Variants in PCNX2 observed in about 807,000 individuals in gnomAD.
PCNX2 encodes pecanex-like protein 2.
PCNX2 carries 168 observed loss-of-function variants against 223.8 expected under a neutral mutation model. The observed-to-expected ratio is 0.75, with a 90% confidence interval of 0.66 to 0.85. The LOEUF is 0.85. PCNX2 is among the 40% of genes least tolerant of loss of function. The pLI, the probability that PCNX2 is intolerant of heterozygous loss-of-function variation, is 0.00. For synonymous variants in PCNX2, 1,006 were observed against 1,052.6 expected, an observed-to-expected ratio of 0.96 and a Z score of 0.86; for missense variants, 2,507 against 2,675.5, an observed-to-expected ratio of 0.94 and a Z score of 1.39.
intron 12 of PCNX2, among the ~76,000 whole-genome samples, chr1:233,216,879 A>C (rs1422084264): frequency 6.6e-6 from 1 of 152,194 alleles, no homozygotes; most frequent in East Asian, 1.9e-4. Flanking sequence ...CATTCAGCCT[A>C]AAAAAAGAAG....
At position 233,208,501 on chromosome 1, in the gene PCNX2, C is replaced by T; in HGVS notation, c.2863+17G>A. The T allele has an allele frequency of 6.2e-7, 1 of 1,602,620 alleles. No individual in the cohort carries two copies. The highest frequency in any genetic ancestry group is 2.2e-5 in the East Asian group (1 of 44,682). On this transcript the variant is annotated intron_variant, in intron 13 of 33. Coordinates refer to ENST00000258229, the MANE Select transcript of PCNX2 (RefSeq NM_014801.4). Reference sequence around the variant, plus strand: ...CCAACCCCCATATTCTTCCCCACAACCCCATAATTAACTCACCTATTAAGT... The same window carrying T: ...CCAACCCCCATATTCTTCCCCACAATCCCATAATTAACTCACCTATTAAGT...
At chr1:233,154,115 G>A (rs2102807721) in intron 19 of PCNX2, among the ~76,000 whole-genome samples, 1 of 152,276 alleles carries the variant, frequency 6.6e-6, no homozygotes, top group East Asian at 1.9e-4. Context: ...ATCTTGCTCT[G>A]TCACCCAGGC....
chr1:233,218,208 GCAAA>G, intron 10 of PCNX2, 24 bp from the exon 11 acceptor site: 2 of 150,492 alleles, frequency 1.3e-5, no homozygotes, highest in Non-Finnish European at 9.3e-6. Context: ...ATACATAAAA[GCAAA>G]AAAAAAAAAA....
intron 28 of PCNX2, among the ~76,000 whole-genome samples, chr1:233,007,498 G>T (rs1336867048): frequency 2.6e-5 from 4 of 152,066 alleles, no homozygotes. Flanking sequence ...AGCAAACATG[G>T]AGTTGCTTTT....
At chr1:233,116,908 A>T (rs919824159) in intron 21 of PCNX2, among the ~76,000 whole-genome samples, 9 of 152,168 alleles carry the variant, frequency 5.9e-5, no homozygotes, top group African/African-American at 2.2e-4. Flanking sequence ...AAGACTGACA[A>T]AGAAAAACAC....
At chr1:233,285,271 G>A (rs2103023531) in intron 1 of PCNX2, among the ~76,000 whole-genome samples, 1 of 152,028 alleles carries the variant, frequency 6.6e-6, no homozygotes, top group Non-Finnish European at 1.5e-5. Flanking sequence ...AGGATCATAT[G>A]AGCCCAAGTG....
chr1:233,213,657 G>A (rs1408080874), intron 12 of PCNX2, among the ~76,000 whole-genome samples: 2 of 152,020 alleles, frequency 1.3e-5, no homozygotes, highest in African/African-American at 4.8e-5. Flanking sequence ...ACAGTTAATT[G>A]AATAGAATGC....
intron 26 of PCNX2, among the ~76,000 whole-genome samples, chr1:233,022,695 CTTTTTTTTTT>C (rs372153367): frequency 1.6e-5 from 2 of 128,678 alleles, no homozygotes; most frequent in Non-Finnish European, 3.2e-5. Context: ...CTTTTTCTTT[CTTTTTTTTTT>C]TTTTTTTTTT....
At chr1:233,150,484 A>C (rs1677732587) in intron 19 of PCNX2, among the ~76,000 whole-genome samples, 1 of 152,192 alleles carries the variant, frequency 6.6e-6, no homozygotes, top group South Asian at 2.1e-4. Context: ...AGAATATTAA[A>C]GTTTATGTTT....
intron 19 of PCNX2, among the ~76,000 whole-genome samples, chr1:233,154,743 T>G (rs1371056532): frequency 6.6e-6 from 1 of 152,174 alleles, no homozygotes; most frequent in Non-Finnish European, 1.5e-5. Context: ...ATATTAGCCT[T>G]TTACTTCTTT....
chr1:233,141,521 C>G (rs1272529058), intron 19 of PCNX2, among the ~76,000 whole-genome samples: 1 of 152,052 alleles, frequency 6.6e-6, no homozygotes, highest in South Asian at 2.1e-4. Flanking sequence ...CAAAAGTTAG[C>G]TGGGCATGGT....
chr1:233,133,263 C>T (rs1676610177), intron 21 of PCNX2, among the ~76,000 whole-genome samples: 1 of 152,018 alleles, frequency 6.6e-6, no homozygotes, highest in Non-Finnish European at 1.5e-5. Context: ...AGTAACTTCA[C>T]AAATAGTTTA....
intron 25 of PCNX2, among the ~76,000 whole-genome samples, chr1:233,026,573 T>C (rs1024588941): frequency 6.6e-6 from 1 of 152,222 alleles, no homozygotes; most frequent in Non-Finnish European, 1.5e-5. Context: ...AAGAGAATGA[T>C]GACTTGGTCC....
chr1:233,032,040 A>C, intron 25 of PCNX2: 1 of 982,118 alleles, frequency 1.0e-6, no homozygotes, highest in Non-Finnish European at 1.2e-6. Flanking sequence ...GTACATTAAT[A>C]ATATAATTTA....
chr1:233,065,668 A>C (rs1459537668), intron 23 of PCNX2: 1 of 151,906 alleles, frequency 6.6e-6, no homozygotes, highest in Admixed American at 6.6e-5. Context: ...ACACCTACAG[A>C]AGCAAAAGAA....
At chr1:233,018,964 T>C (rs185588420) in intron 26 of PCNX2, 2 of 985,384 alleles carry the variant, frequency 2.0e-6, no homozygotes, top group Admixed American at 6.1e-5. Context: ...GTAAGTGGAG[T>C]GGGCTGAGAA....
chr1:233,249,133 A>C lies in PCNX2; in HGVS notation c.2222+1606T>G, dbSNP rs997115893. 7.9e-5 allele frequency among the ~76,000 whole-genome samples: 12 copies of C among 152,176 alleles called. No individual in the cohort carries two copies. The South Asian group carries it at 2.5e-3, about 32-fold the overall frequency. ...GGTCCTCTCTCTCATTTTTACTTGG[A>C]TACTATAAATTTTCAGTTCTTTAAG... On this transcript the variant is annotated intron_variant, in intron 8 of 33. Transcript: ENST00000258229.
the PCNX2 span, among the ~76,000 whole-genome samples, chr1:233,319,636 A>G: frequency 1.3e-5 from 2 of 152,252 alleles, no homozygotes; most frequent in Non-Finnish European, 2.9e-5. Context: ...GTTTTGAACA[A>G]AGGGTCTTAT....
intron 25 of PCNX2, among the ~76,000 whole-genome samples, chr1:233,044,927 C>T (rs1428116837): frequency 2.6e-5 from 4 of 152,162 alleles, no homozygotes; most frequent in African/African-American, 7.2e-5. Context: ...CCTCAGCCTC[C>T]CAAAGTGCTA....
Sources: allele counts gnomAD v4.1 joint callset (sites outside exome capture counted in the v4.1 genomes callset), GRCh38; gene constraint gnomAD v4.1.1; transcripts MANE v1.5; gene names NCBI Gene and HGNC (gene_info 2026-07-23, HGNC 2026-07-21).